Variants in MGAT5 observed in about 807,000 individuals in gnomAD.
The protein encoded by MGAT5 is alpha-1,6-mannosylglycoprotein 6-beta-N-acetylglucosaminyltransferase.
In MGAT5, 30 loss-of-function variants were observed where a neutral mutation model predicts 94.3. The ratio of observed to expected loss-of-function variants is 0.32; its 90% CI spans 0.24 to 0.43. The LOEUF is 0.43. Ranked by LOEUF, MGAT5 falls within the 20% of genes least tolerant of loss-of-function variation. The probability of loss-of-function intolerance (pLI) is 1.00; values close to 1 mark genes in which losing one functional copy is unlikely to be tolerated. For synonymous variants in MGAT5, 310 were observed against 322.9 expected, an observed-to-expected ratio of 0.96 and a Z score of 0.43; for missense variants, 691 against 905.5, an observed-to-expected ratio of 0.76 and a Z score of 3.04.
intron 2 of MGAT5, among the ~76,000 whole-genome samples, chr2:134,291,058 A>G (rs1362246050): frequency 6.6e-6 from 1 of 152,224 alleles, no homozygotes; most frequent in African/African-American, 2.4e-5. Flanking sequence ...TCAAGGAGTG[A>G]GAAATCTTAT....
At chr2:134,419,868 T>C (rs1181482785) in intron 12 of MGAT5, among the ~76,000 whole-genome samples, 1 of 152,142 alleles carries the variant, frequency 6.6e-6, no homozygotes, top group African/African-American at 2.4e-5. Flanking sequence ...AATAGTGACA[T>C]TGATGGCAAC....
chr2:134,150,240 T>C (rs1366453319), intron 1 of MGAT5, among the ~76,000 whole-genome samples: 1 of 152,158 alleles, frequency 6.6e-6, no homozygotes, highest in African/African-American at 2.4e-5. Flanking sequence ...TAGTAGTGTG[T>C]TTACCCCTAT....
At chr2:134,244,294 T>C (rs1682119154) in intron 1 of MGAT5, among the ~76,000 whole-genome samples, 1 of 150,374 alleles carries the variant, frequency 6.7e-6, no homozygotes, top group South Asian at 2.1e-4. Flanking sequence ...GTGACAATCC[T>C]AGCGTTTTTT....
At chr2:134,132,879 C>G (rs1450286545) in intron 1 of MGAT5, among the ~76,000 whole-genome samples, 1 of 152,202 alleles carries the variant, frequency 6.6e-6, no homozygotes, top group African/African-American at 2.4e-5. Context: ...TAGGTCCTTG[C>G]CATCTAACAT....
chr2:134,415,526 T>G (rs1683914175), intron 12 of MGAT5, among the ~76,000 whole-genome samples: 1 of 152,232 alleles, frequency 6.6e-6, no homozygotes, highest in Non-Finnish European at 1.5e-5. Context: ...ATTAACCGCT[T>G]ATTAAATATG....
intron 10 of MGAT5, among the ~76,000 whole-genome samples, chr2:134,399,219 A>T (rs564151733): frequency 5.9e-4 from 90 of 152,334 alleles, no homozygotes; most frequent in African/African-American, 1.9e-3. Flanking sequence ...GTTGTAAAAT[A>T]AGTTGGGGAA....
At chr2:134,389,209 G>C (rs1235764876) in intron 10 of MGAT5, among the ~76,000 whole-genome samples, 2 of 152,190 alleles carry the variant, frequency 1.3e-5, no homozygotes, top group Non-Finnish European at 2.9e-5. Context: ...TAGTTCATTA[G>C]TACTTGCTAG....
intron 1 of MGAT5, among the ~76,000 whole-genome samples, chr2:134,178,967 A>G (rs1174075481): frequency 6.6e-6 from 1 of 152,128 alleles, no homozygotes; most frequent in Non-Finnish European, 1.5e-5. Flanking sequence ...GTATTTGTGA[A>G]TTTGTGTCCT....
intron 2 of MGAT5, among the ~76,000 whole-genome samples, chr2:134,308,531 G>T (rs1389475000): frequency 6.6e-6 from 1 of 152,070 alleles, no homozygotes; most frequent in Non-Finnish European, 1.5e-5. Flanking sequence ...AGCAAGTTTT[G>T]GGTTCTAAGC....
chr2:134,165,986 C>T (rs13001396), intron 1 of MGAT5, among the ~76,000 whole-genome samples: 1 of 152,170 alleles, frequency 6.6e-6, no homozygotes, highest in Non-Finnish European at 1.5e-5. Context: ...TGTTTGATAA[C>T]TTGCCTGAGG....
At chr2:134,372,118 C>T (rs1200567231) in intron 10 of MGAT5, among the ~76,000 whole-genome samples, 1 of 152,172 alleles carries the variant, frequency 6.6e-6, no homozygotes, top group Non-Finnish European at 1.5e-5. Context: ...AAATGCTACA[C>T]TAGGTAGCCA....
intron 10 of MGAT5, among the ~76,000 whole-genome samples, chr2:134,380,351 T>C (rs745933556): frequency 2.0e-5 from 3 of 152,244 alleles, no homozygotes; most frequent in Non-Finnish European, 4.4e-5. Context: ...CACATACTTA[T>C]TGCACTGAAG....
rs1186772122 is a variant in MGAT5 at position 134,425,263 on chromosome 2, AG to A, written c.1794+2347del. 8.5e-5 allele frequency among the ~76,000 whole-genome samples: 13 copies of A among 152,346 alleles called. No individual in the cohort carries two copies. The East Asian group carries it at 1.3e-3, about 16-fold the overall frequency. On this transcript the variant is annotated intron_variant, in intron 13 of 15. Coordinates refer to ENST00000281923, the MANE Select transcript of MGAT5 (RefSeq NM_002410.5). ...CATCAGAAATAATGGAGACCGTAAA[AG>A]GGTCCTCAGGAGCCAGAATATGTGT...
chr2:134,395,308 C>G (rs1032702820), intron 10 of MGAT5, among the ~76,000 whole-genome samples: 19 of 152,196 alleles, frequency 1.2e-4, no homozygotes, highest in Non-Finnish European at 7.3e-5. Context: ...CCCCAGGGTC[C>G]TTTAAGAGCC....
At chr2:134,197,137 G>A (rs1679531791) in intron 1 of MGAT5, among the ~76,000 whole-genome samples, 1 of 152,180 alleles carries the variant, frequency 6.6e-6, no homozygotes, top group Non-Finnish European at 1.5e-5. Flanking sequence ...ATGAAAAACT[G>A]CTTCTGCCTT....
At chr2:134,121,890 C>A (rs1238473992) in intron 1 of MGAT5, among the ~76,000 whole-genome samples, 1 of 152,190 alleles carries the variant, frequency 6.6e-6, no homozygotes, top group Non-Finnish European at 1.5e-5. Context: ...CATCCTAAGC[C>A]TTACGGCTGC....
intron 11 of MGAT5, among the ~76,000 whole-genome samples, chr2:134,411,648 C>T (rs528965197): frequency 1.3e-5 from 2 of 152,272 alleles, no homozygotes; most frequent in Admixed American, 6.5e-5. Flanking sequence ...ACATGCAGCC[C>T]GGCAGCTTGG....
chr2:134,163,246 G>T (rs932962474), intron 1 of MGAT5, among the ~76,000 whole-genome samples: 2 of 152,172 alleles, frequency 1.3e-5, no homozygotes, highest in Non-Finnish European at 2.9e-5. Context: ...AGTTAGAGCA[G>T]ACCTTCCTGA....
At chr2:134,441,936 G>A (rs200971129) in intron 15 of MGAT5, 21 bp downstream of exon 15, 5 of 1,607,332 alleles carry the variant, frequency 3.1e-6, no homozygotes, top group Non-Finnish European at 4.3e-6. Context: ...TGGGGTGGGG[G>A]TGGGGACTCA....
Sources: gnomAD v4.1 joint callset for allele counts (sites outside exome capture counted in the v4.1 genomes callset) on GRCh38, gnomAD v4.1.1 for gene constraint, MANE v1.5 for transcripts, NCBI Gene and HGNC (gene_info 2026-07-23, HGNC 2026-07-21) for gene names.